DPP10: variants seen among roughly 807,000 people sequenced by gnomAD.
DPP10 encodes the protein dipeptidyl peptidase like 10.
A neutral mutation model predicts 120.9 loss-of-function variants in DPP10; 33 were observed. That is an observed-to-expected ratio of 0.27 (90% CI 0.21 to 0.37). The LOEUF (loss-of-function observed/expected upper bound fraction) is 0.37. Among genes scored for constraint, DPP10 ranks in the 10% least tolerant of loss-of-function variants. DPP10 has a pLI of 1.00. For synonymous variants in DPP10, 337 were observed against 326.1 expected (o/e 1.03, Z -0.36); for missense variants, 816 against 942.8 (o/e 0.87, Z 1.76).
intron 1 of DPP10, among the ~76,000 whole-genome samples, chr2:114,764,130 A>G (rs1192979934): frequency 1.3e-5 from 2 of 152,172 alleles, no homozygotes; most frequent in Non-Finnish European, 2.9e-5. Flanking sequence ...GAAGTCTTCA[A>G]CTGTATTACT....
At chr2:114,669,478 A>C (rs534837645) in intron 1 of DPP10, among the ~76,000 whole-genome samples, 2 of 152,244 alleles carry the variant, frequency 1.3e-5, no homozygotes, top group East Asian at 3.9e-4. Context: ...TCAATGAAGG[A>C]GTTACGTCTT....
intron 7 of DPP10, among the ~76,000 whole-genome samples, chr2:115,724,068 T>C (rs1234033632): frequency 3.9e-5 from 6 of 152,248 alleles, no homozygotes; most frequent in Admixed American, 2.0e-4. Flanking sequence ...TTTATTTTCT[T>C]TTAAGATGGC....
intron 3 of DPP10, among the ~76,000 whole-genome samples, chr2:115,375,528 T>G (rs2065728248): frequency 6.6e-6 from 1 of 152,214 alleles, no homozygotes; most frequent in African/African-American, 2.4e-5. Flanking sequence ...TCTGCCTGTT[T>G]CCCAGTTCCA....
chr2:115,111,250 T>C (rs901895931), intron 1 of DPP10, among the ~76,000 whole-genome samples: 4 of 152,096 alleles, frequency 2.6e-5, no homozygotes, highest in Non-Finnish European at 4.4e-5. Flanking sequence ...CTTTTTTTTT[T>C]TTTTAAATTA....
chr2:115,368,228 C>G (rs767609037), intron 3 of DPP10, among the ~76,000 whole-genome samples: 2 of 152,074 alleles, frequency 1.3e-5, no homozygotes, highest in African/African-American at 2.4e-5. Flanking sequence ...GATAGCTTCT[C>G]TGAATAAAGC....
chr2:114,819,628 C>T (rs1265467520), intron 1 of DPP10, among the ~76,000 whole-genome samples: 2 of 152,162 alleles, frequency 1.3e-5, no homozygotes, highest in South Asian at 4.1e-4. Flanking sequence ...CCCAGGCAAA[C>T]CTTGCAAAAG....
chr2:114,961,005 A>C (rs191858805), intron 1 of DPP10, among the ~76,000 whole-genome samples: 121 of 145,734 alleles, frequency 8.3e-4, no homozygotes, highest in African/African-American at 2.8e-3. Flanking sequence ...ACATCTGCTA[A>C]GTAATAATTC....
At chr2:114,823,601 G>T (rs185954940) in intron 1 of DPP10, among the ~76,000 whole-genome samples, 1 of 152,238 alleles carries the variant, frequency 6.6e-6, no homozygotes. Context: ...TTGACTCAGG[G>T]TTATGGGAAC....
intron 1 of DPP10, among the ~76,000 whole-genome samples, chr2:114,650,027 G>A (rs543990719): frequency 6.6e-6 from 1 of 152,036 alleles, no homozygotes; most frequent in African/African-American, 2.4e-5. Context: ...AATATTATTG[G>A]CCATGTTATA....
At chr2:115,808,384 A>G (rs149746314) in intron 19 of DPP10, among the ~76,000 whole-genome samples, 10 of 152,328 alleles carry the variant, frequency 6.6e-5, no homozygotes, top group African/African-American at 2.4e-4. Context: ...GCAGAGTTGC[A>G]TAGAGATAGT....
At chr2:115,075,295 T>C (rs6734230) in intron 1 of DPP10, among the ~76,000 whole-genome samples, 46,707 of 152,152 alleles carry the variant, frequency 0.31, 7,544 homozygotes, top group Middle Eastern at 0.38. Context: ...AATAAATGTC[T>C]CTTGCACATA....
At chr2:114,929,148 C>T (rs1695873009) in intron 1 of DPP10, among the ~76,000 whole-genome samples, 1 of 152,106 alleles carries the variant, frequency 6.6e-6, no homozygotes, top group African/African-American at 2.4e-5. Flanking sequence ...TAGGTACAAA[C>T]AGGGAGTAAG....
chr2:115,716,398 C>G (rs566249757), intron 7 of DPP10, among the ~76,000 whole-genome samples: 63 of 152,072 alleles, frequency 4.1e-4, no homozygotes, highest in Non-Finnish European at 8.4e-4. Flanking sequence ...GTAGTTGTAT[C>G]CCATTGTAAC....
At chr2:114,938,712 C>T (rs995779027) in intron 1 of DPP10, among the ~76,000 whole-genome samples, 2 of 144,672 alleles carry the variant, frequency 1.4e-5, no homozygotes, top group African/African-American at 5.0e-5. Context: ...TGCAAATTGC[C>T]CATTTACACT....
At chr2:115,815,922 T>C (rs1388086631) in intron 21 of DPP10, among the ~76,000 whole-genome samples, 193 bp downstream of exon 21, 2 of 151,646 alleles carry the variant, frequency 1.3e-5, no homozygotes, top group Non-Finnish European at 1.5e-5. Flanking sequence ...GTCTGAAATG[T>C]ATATATATAA....
intron 1 of DPP10, among the ~76,000 whole-genome samples, chr2:114,712,572 A>G (rs1701094375): frequency 6.6e-6 from 1 of 152,178 alleles, no homozygotes; most frequent in Non-Finnish European, 1.5e-5. Flanking sequence ...GAAAGTTGAC[A>G]TTTAGAACAC....
chr2:114,847,132 C>T (rs1371092138), intron 1 of DPP10, among the ~76,000 whole-genome samples: 1 of 152,134 alleles, frequency 6.6e-6, no homozygotes, highest in African/African-American at 2.4e-5. Flanking sequence ...CCTCAGCCAA[C>T]CTAATAGCTG....
chr2:114,502,909 A>T (rs1168150000), intron 1 of DPP10, among the ~76,000 whole-genome samples: 1 of 152,262 alleles, frequency 6.6e-6, no homozygotes, highest in East Asian at 1.9e-4. Flanking sequence ...ATTTCGGAGT[A>T]CTGTGGAATA....
At chr2:115,484,782 C>G (rs1016990431) in intron 3 of DPP10, among the ~76,000 whole-genome samples, 6 of 152,132 alleles carry the variant, frequency 3.9e-5, no homozygotes, top group African/African-American at 1.4e-4. Context: ...GGGAGGTAAT[C>G]TCATTCAGGC....
Sources: allele counts gnomAD v4.1 joint callset (sites outside exome capture counted in the v4.1 genomes callset), GRCh38; gene constraint gnomAD v4.1.1; transcripts MANE v1.5; gene names NCBI Gene and HGNC (gene_info 2026-07-23, HGNC 2026-07-21).